The following SYN2 variants were observed in gnomAD, a reference collection of about 807,000 sequenced individuals.
SYN2 encodes the protein synapsin II.
A neutral mutation model predicts 50.9 loss-of-function variants in SYN2; 19 were observed. The ratio of observed to expected loss-of-function variants is 0.37; its 90% CI spans 0.26 to 0.55. The LOEUF (loss-of-function observed/expected upper bound fraction) is 0.55. Ranked by LOEUF, SYN2 falls within the 20% of genes least tolerant of loss-of-function variation. SYN2 has a pLI of 0.81. For missense variants in SYN2, 587 were observed against 576.4 expected (o/e 1.02, Z -0.19); for synonymous variants, 255 against 224.9 (o/e 1.13, Z -1.20).
chr3:12,004,610 A>C lies in SYN2; in HGVS notation c.59A>C (p.Asn20Thr). Residue 20 changes from asparagine (N) to threonine (T), a missense_variant, in exon 1 of 13, where the codon AAC (asparagine) becomes ACC (threonine). Physicochemically the swap from Asn to Thr is moderately conservative, Grantham distance 65. Coordinates refer to ENST00000621198, the MANE Select transcript of SYN2 (RefSeq NM_133625.6). The part of the protein sequence containing the change: ...SDSSFIANLP[N>T]GYMTDLQRPE... ...AGCAGCTTCATCGCCAACCTGCCCA[A>C]CGGCTACATGACCGACCTGCAGCGG... is the stretch of plus-strand genomic sequence containing the variant. 3 of 645,530 alleles carry C rather than the reference A, an allele frequency of 4.6e-6. No individual in the cohort carries two copies. Among genetic ancestry groups the C allele is most frequent in the Non-Finnish European group, 5.8e-6 (2 of 346,040 alleles). The allele number at this position is 645,530 out of a possible 1,614,324, so 40.0% of individuals were successfully genotyped here. A position where few individuals can be genotyped will look rare whatever the true frequency, so the allele number is the denominator to read the frequency against.
chr3:12,077,687 A>G (rs755268548), intron 1 of SYN2, among the ~76,000 whole-genome samples: 3 of 152,166 alleles, frequency 2.0e-5, no homozygotes, highest in Non-Finnish European at 4.4e-5. Context: ...TCCATGGTGT[A>G]TACGTACCAC....
intron 9 of SYN2, 108 bp downstream of exon 9, chr3:12,168,586 C>A: frequency 1.1e-6 from 1 of 924,190 alleles, no homozygotes; most frequent in Non-Finnish European, 1.7e-6. Flanking sequence ...AATGTTCCAG[C>A]AAGATCAGTG....
intron 8 of SYN2, 105 bp from the exon 9 acceptor site, chr3:12,168,271 A>C: frequency 1.2e-6 from 1 of 809,006 alleles, no homozygotes; most frequent in Non-Finnish European, 2.1e-6. Context: ...AGCAGTGGGA[A>C]TGGGAGGTGG....
chr3:12,123,203 G>A (rs1696599170), intron 1 of SYN2, among the ~76,000 whole-genome samples: 1 of 152,208 alleles, frequency 6.6e-6, no homozygotes, highest in South Asian at 2.1e-4. Context: ...AATAGTTGAA[G>A]TTTTTCCATA....
chr3:12,159,361 G>C (rs1456024066), intron 5 of SYN2: 1 of 154,292 alleles, frequency 6.5e-6, no homozygotes, highest in Non-Finnish European at 1.4e-5. Context: ...CTGCACGCTG[G>C]GAATGAGACG....
chr3:12,062,127 C>T (rs1209843909), intron 1 of SYN2, among the ~76,000 whole-genome samples: 1 of 151,968 alleles, frequency 6.6e-6, no homozygotes, highest in Non-Finnish European at 1.5e-5. Flanking sequence ...CTTTTTATTA[C>T]ATTGTAGTTA....
intron 1 of SYN2, among the ~76,000 whole-genome samples, chr3:12,057,395 A>C (rs977344314): frequency 2.0e-5 from 3 of 152,118 alleles, no homozygotes; most frequent in African/African-American, 7.2e-5. Flanking sequence ...GAACAAAGAT[A>C]TTTGAAATGA....
At chr3:12,155,460 G>A (rs1296937661) in intron 5 of SYN2, among the ~76,000 whole-genome samples, 2 of 152,208 alleles carry the variant, frequency 1.3e-5, no homozygotes, top group Admixed American at 6.5e-5. Context: ...GTTGGGGGAA[G>A]GGCTTCCTGT....
chr3:12,179,376 A>G (rs976915932), intron 10 of SYN2, among the ~76,000 whole-genome samples: 1 of 6,564 alleles, frequency 1.5e-4, no homozygotes, highest in East Asian at 0.029. Context: ...AACTGAAAGA[A>G]AAAAAAAAAA....
At chr3:12,013,541 T>A (rs1452804398) in intron 1 of SYN2, among the ~76,000 whole-genome samples, 1 of 152,148 alleles carries the variant, frequency 6.6e-6, no homozygotes, top group Non-Finnish European at 1.5e-5. Context: ...TCCATCTGGG[T>A]GGTTAAGAGT....
chr3:12,175,041 AAGGGGAGAC>A (rs1370382580), intron 10 of SYN2, among the ~76,000 whole-genome samples: 1 of 152,222 alleles, frequency 6.6e-6, no homozygotes, highest in Non-Finnish European at 1.5e-5. Flanking sequence ...AGGGTGTACC[AAGGGGAGAC>A]AGGTGAGAGT....
chr3:12,071,397 A>G (rs900522461), intron 1 of SYN2: 3 of 547,316 alleles, frequency 5.5e-6, no homozygotes, highest in East Asian at 4.9e-5. Context: ...CATTTGCTGC[A>G]TGGGTTAATT....
At chr3:12,115,280 T>A (rs1696407893) in intron 1 of SYN2, among the ~76,000 whole-genome samples, 2 of 152,174 alleles carry the variant, frequency 1.3e-5, no homozygotes. Context: ...CCTAAAGGAA[T>A]GCATGGTGGA....
intron 1 of SYN2, among the ~76,000 whole-genome samples, chr3:12,110,789 C>T (rs767379537): frequency 2.0e-5 from 3 of 152,202 alleles, no homozygotes; most frequent in Non-Finnish European, 2.9e-5. Flanking sequence ...ATGGGGCCTG[C>T]AGCCCCTTTG....
intron 5 of SYN2, chr3:12,154,520 T>G (rs1014788684): frequency 6.3e-7 from 1 of 1,576,692 alleles, no homozygotes; most frequent in African/African-American, 1.4e-5. Flanking sequence ...GCCCAGGTCC[T>G]TGAAAAGCCC....
chr3:12,011,777 A>G (rs1207419531), intron 1 of SYN2, among the ~76,000 whole-genome samples: 2 of 152,370 alleles, frequency 1.3e-5, no homozygotes, highest in East Asian at 1.9e-4. Flanking sequence ...GAGGTCTACT[A>G]TATATCAGGC....
intron 7 of SYN2, among the ~76,000 whole-genome samples, chr3:12,163,196 C>T (rs867843120): frequency 4.8e-5 from 7 of 145,898 alleles, no homozygotes; most frequent in Non-Finnish European, 1.0e-4. Flanking sequence ...GAGCCGAGAT[C>T]GCGCCACTGC....
intron 1 of SYN2, among the ~76,000 whole-genome samples, chr3:12,065,589 A>G (rs896926572): frequency 6.6e-6 from 1 of 152,156 alleles, no homozygotes; most frequent in Non-Finnish European, 1.5e-5. Context: ...TAAATGAATT[A>G]ATAACAGGAA....
chr3:12,166,580 G>A (rs968895152), intron 7 of SYN2, among the ~76,000 whole-genome samples: 3 of 152,226 alleles, frequency 2.0e-5, no homozygotes, highest in Non-Finnish European at 2.9e-5. Context: ...CTGATGGCTT[G>A]ATGCCATCGG....
Sources: allele counts gnomAD v4.1 joint callset (sites outside exome capture counted in the v4.1 genomes callset), GRCh38; gene constraint gnomAD v4.1.1; transcripts MANE v1.5; gene names NCBI Gene and HGNC (gene_info 2026-07-23, HGNC 2026-07-21).